CBX2: variants seen among roughly 807,000 people sequenced by gnomAD.
CBX2 encodes the protein chromobox protein homolog 2.
CBX2 carries 11 observed loss-of-function variants against 21.0 expected under a neutral mutation model. The ratio of observed to expected loss-of-function variants is 0.52; its 90% CI spans 0.33 to 0.87. The LOEUF is 0.87. Ranked by LOEUF, CBX2 falls within the 40% of genes least tolerant of loss-of-function variation. The pLI, the probability that CBX2 is intolerant of heterozygous loss-of-function variation, is 0.02. For missense variants in CBX2, 746 were observed against 724.3 expected (o/e 1.03, Z -0.34); for synonymous variants, 364 against 304.6 (o/e 1.19, Z -2.03).
At position 79,784,826 on chromosome 17, in the gene CBX2, TGAG is replaced by T. The variant is rs1555831390; in HGVS notation, c.1387_1389del (p.Glu463del). The T allele has an allele frequency of 2.5e-6, 4 of 1,611,974 alleles. No homozygotes were observed. The highest frequency in any genetic ancestry group is 1.7e-5 in the Admixed American group (1 of 59,874). On this transcript the variant is annotated inframe_deletion, in exon 5 of 5. Coordinates refer to ENST00000310942, the MANE Select transcript of CBX2 (RefSeq NM_005189.3). This position sits in a 1 kb window ranked among gnomAD's most constrained non-coding sequence, Gnocchi z 5.9. ...CCACACTGCCAGAGATGAGCGCAGG[TGAG>T]GAGAGTAGCAGCTCGGACTCCGACC...
In CBX2 at chr17:79,784,643, C is replaced by G. The variant is rs150127376; in HGVS notation, c.1200C>G (p.Ser400Arg). 6.2e-7 allele frequency: 1 copy of G among 1,612,178 alleles called. No individual in the cohort carries two copies. The highest frequency in any genetic ancestry group is 8.5e-7 in the Non-Finnish European group (1 of 1,179,854). ...CTGGGAGTGGCCTCATTGGGGCCAG[C>G]GGGGCCACCATGCCCACCGACACAA... ...KGTGSGLIGA[S>R]GATMPTDTSK... The change falls in exon 5 of 5, where the codon AGC (serine) becomes AGG (arginine). Residue 400 changes from serine to arginine, a missense_variant. By Grantham distance (110) the Ser-to-Arg change is moderately radical (BLOSUM62 -1). Coordinates refer to ENST00000310942, the MANE Select transcript of CBX2 (RefSeq NM_005189.3). This position sits in a 1 kb window ranked among gnomAD's most constrained non-coding sequence, Gnocchi z 5.9.
chr17:79,781,065 G>C (rs550348695), intron 3 of CBX2, among the ~76,000 whole-genome samples: 1 of 152,056 alleles, frequency 6.6e-6, no homozygotes, highest in Non-Finnish European at 1.5e-5. Flanking sequence ...TGGGGGCGGG[G>C]GGGGTACTGC....
chr17:79,786,650 GGGTGGGT>G lies in CBX2; in HGVS notation c.*1610_*1616del. Reference sequence around the variant, plus strand: ...GTGATGCCAAAAATAAAAGAGGGTGGGGTGGGTGCTTTCTGTTCCTCTGATTGGATGG... The same window carrying G: ...GTGATGCCAAAAATAAAAGAGGGTGGGCTTTCTGTTCCTCTGATTGGATGG... On this transcript the variant is annotated 3_prime_UTR_variant, in exon 5 of 5. Coordinates refer to ENST00000310942, the MANE Select transcript of CBX2 (RefSeq NM_005189.3). The G allele has an allele frequency of 6.5e-6, 1 of 152,832 alleles. No individual in the cohort carries two copies. Among genetic ancestry groups the G allele is most frequent in the East Asian group, 1.9e-4 (1 of 5,200 alleles). The allele number at this position is 152,832 out of a possible 1,614,324, so 9.5% of individuals were successfully genotyped here. A position where few individuals can be genotyped will look rare whatever the true frequency, so the allele number is the denominator to read the frequency against.
At chr17:79,781,133 C>G (rs1432897169) in intron 3 of CBX2, among the ~76,000 whole-genome samples, 2 of 152,086 alleles carry the variant, frequency 1.3e-5, no homozygotes, top group Admixed American at 1.3e-4. Context: ...TGTCATCTCC[C>G]TCAAGAGTAG....
intron 3 of CBX2, chr17:79,779,769 C>G (rs1357070835): frequency 2.9e-6 from 1 of 350,736 alleles, no homozygotes; most frequent in African/African-American, 2.1e-5. Flanking sequence ...GTAATTTGCA[C>G]ATGGCGCTAA....
intron 3 of CBX2, 41 bp from the exon 4 acceptor site, chr17:79,781,655 G>C (rs782405022): frequency 1.3e-6 from 2 of 1,531,536 alleles, no homozygotes; most frequent in African/African-American, 2.7e-5. Context: ...GAAGGGGTAC[G>C]CACAGGGCTT....
At chr17:79,782,427 GC>G (rs1568501123) in intron 4 of CBX2, 48 of 1,316,616 alleles carry the variant, frequency 3.6e-5, no homozygotes, top group Non-Finnish European at 4.7e-5. Context: ...CCGTGGTAGG[GC>G]CCCTCCCTCC....
chr17:79,782,342 C>T (rs1598223919), intron 4 of CBX2: 26 of 1,468,984 alleles, frequency 1.8e-5, no homozygotes, highest in South Asian at 9.6e-5. Context: ...TTGGCCTTCT[C>T]GGGACTGTCC....
At chr17:79,782,107 G>T (rs781951218) in intron 4 of CBX2, 2 of 1,613,448 alleles carry the variant, frequency 1.2e-6, no homozygotes, top group Admixed American at 1.7e-5. Flanking sequence ...CTCCCAGGGG[G>T]TCCTTGGGGG....
chr17:79,784,976 C>T lies in CBX2; in HGVS notation c.1533C>T (p.Asn511=). 3.7e-6 allele frequency: 6 copies of T among 1,608,482 alleles called. No individual in the cohort carries two copies. The highest frequency in any genetic ancestry group is 1.3e-5 in the African/African-American group (1 of 75,060). The change falls in exon 5 of 5, where the codon AAC becomes AAT. Residue 511 remains asparagine (N), a synonymous_variant. Coordinates refer to ENST00000310942, the MANE Select transcript of CBX2 (RefSeq NM_005189.3). The surrounding 1 kb of genome is among the most constrained non-coding windows in gnomAD (Gnocchi z 5.9). ...TATTTGTCACCGACGTCACTGCCAA[C>T]CTCATCACCGTCACAGTGAAGGAGT... ...EHVFVTDVTA[N]LITVTVKESP...
At chr17:79,780,262 G>A (rs538585640) in intron 3 of CBX2, among the ~76,000 whole-genome samples, 3 of 152,320 alleles carry the variant, frequency 2.0e-5, no homozygotes, top group South Asian at 2.1e-4. Flanking sequence ...TCCCAGCCAG[G>A]GTCAATCTGG....
chr17:79,781,925 C>G, intron 4 of CBX2, 124 bp downstream of exon 4: 2 of 1,614,204 alleles, frequency 1.2e-6, no homozygotes, highest in Non-Finnish European at 1.7e-6. Context: ...GTCTGTCCCT[C>G]TACTCGGAAA....
In CBX2 at chr17:79,787,072, C is replaced by G. The variant is rs961923123; in HGVS notation, c.*2030C>G. On this transcript the variant is annotated 3_prime_UTR_variant, in exon 5 of 5. Transcript: ENST00000310942. ...ACAGTAAGGGGAAGAGCTGCTCCCACAGGAGAGGGAGAGATTCCAGCTCAC... is the reference window on the plus strand; with the variant it reads ...ACAGTAAGGGGAAGAGCTGCTCCCAGAGGAGAGGGAGAGATTCCAGCTCAC... 2.8e-4 allele frequency: 43 copies of G among 152,426 alleles called. No individual in the cohort carries two copies. The highest frequency in any genetic ancestry group is 9.9e-4 in the African/African-American group (41 of 41,460). 9.4% of individuals were successfully genotyped at this position (152,426 alleles called of 1,614,324 possible).
intron 3 of CBX2, among the ~76,000 whole-genome samples, chr17:79,779,988 TG>T (rs1344279288): frequency 6.6e-6 from 1 of 152,272 alleles, no homozygotes; most frequent in Admixed American, 6.5e-5. Context: ...GAGGCCGGAT[TG>T]GGCCAGACTT....
At chr17:79,781,248 C>T (rs1459939543) in intron 3 of CBX2, among the ~76,000 whole-genome samples, 4 of 152,166 alleles carry the variant, frequency 2.6e-5, no homozygotes, top group African/African-American at 9.7e-5. Context: ...TGCTCCTTGC[C>T]CGGGTGAGGG....
chr17:79,785,431 C>A lies in CBX2; in HGVS notation c.*389C>A. 1 of 294,236 alleles carries A rather than the reference C, an allele frequency of 3.4e-6. No individual in the cohort carries two copies. The highest frequency in any genetic ancestry group is 6.6e-6 in the Non-Finnish European group (1 of 150,778). 18.2% of individuals were successfully genotyped at this position (294,236 alleles called of 1,614,324 possible). ...GCGTGACTGAATCACAGCTTTGGTCCCTGTCTTGCAGGGGCTGAGGTGTCA... is the reference window on the plus strand; with the variant it reads ...GCGTGACTGAATCACAGCTTTGGTCACTGTCTTGCAGGGGCTGAGGTGTCA... On this transcript the variant is annotated 3_prime_UTR_variant, in exon 5 of 5. Transcript: ENST00000310942.
At chr17:79,782,139 G>A (rs1331852966) in intron 4 of CBX2, 4 of 1,612,932 alleles carry the variant, frequency 2.5e-6, no homozygotes, top group African/African-American at 1.3e-5. Context: ...CAGGAAGCAT[G>A]CGTACAGTAG....
intron 3 of CBX2, 81 bp from the exon 4 acceptor site, chr17:79,781,615 G>A: frequency 2.5e-6 from 3 of 1,190,526 alleles, no homozygotes; most frequent in Non-Finnish European, 3.8e-6. Context: ...CAGGAATAGG[G>A]TGCTGGAAGC....
rs201198125 is a variant in CBX2, at chr17:79,784,105, C to T, written c.662C>T (p.Ala221Val). 14 of 1,611,810 alleles carry T rather than the reference C, an allele frequency of 8.7e-6. No homozygotes were observed. The highest frequency in any genetic ancestry group is 1.7e-4 in the Middle Eastern group (1 of 6,054). The change falls in exon 5 of 5, where the codon GCC (alanine) becomes GTC (valine). Residue 221 changes from alanine to valine, a missense_variant. Physicochemically the swap from Ala to Val is moderately conservative, Grantham distance 64. Transcript: ENST00000310942. The surrounding 1 kb of genome is among the most constrained non-coding windows in gnomAD (Gnocchi z 5.9). The part of the protein sequence containing the change: ...LAALKAHAKE[A>V]CGGPSAMATP... ...GCTCTGAAGGCCCACGCCAAGGAGG[C>T]CTGTGGCGGCCCCAGTGCCATGGCC...
Sources: gnomAD v4.1 joint callset for allele counts (sites outside exome capture counted in the v4.1 genomes callset) on GRCh38, gnomAD v4.1.1 for gene constraint, Gnocchi (gnomAD v3.1) non-coding constraint, MANE v1.5 for transcripts, NCBI Gene and HGNC (gene_info 2026-07-23, HGNC 2026-07-21) for gene names.